The following ARHGEF37 variants were observed in gnomAD, a reference collection of about 807,000 sequenced individuals.
ARHGEF37 encodes Rho guanine nucleotide exchange factor 37, also known as Rho guanine nucleotide exchange factor (GEF) 37.
ARHGEF37 carries 55 observed loss-of-function variants against 71.1 expected under a neutral mutation model. The observed-to-expected ratio is 0.77, with a 90% CI of 0.62 to 0.97. ARHGEF37 has a LOEUF of 0.97. Ranked by LOEUF, ARHGEF37 falls within the 50% of genes least tolerant of loss-of-function variation. ARHGEF37 has a pLI of 0.00. For missense variants in ARHGEF37, 765 were observed against 836.8 expected (o/e 0.91, Z 1.06); for synonymous variants, 327 against 350.6 (o/e 0.93, Z 0.75).
rs1165057493 is a variant in ARHGEF37 at position 149,618,263 on chromosome 5, G to A, written c.746G>A (p.Arg249Gln). The A allele has an allele frequency of 1.3e-5, 21 of 1,614,196 alleles. No homozygotes were observed. The highest frequency in any genetic ancestry group is 1.7e-5 in the Non-Finnish European group (20 of 1,180,032). Residue 249 changes from arginine (R) to glutamine (Q), a missense_variant, in exon 6 of 13, where the codon CGG (arginine) becomes CAG (glutamine). Transcript: ENST00000333677. ...CACACCCTCTCCAAGAAGACCACCC[G>A]GCTGAGCCAGCTGCTGAAGCAGGAG... ...NTHTLSKKTT[R>Q]LSQLLKQEAG...
intron 10 of ARHGEF37, among the ~76,000 whole-genome samples, chr5:149,626,024 A>C (rs1471878285): frequency 6.6e-6 from 1 of 152,176 alleles, no homozygotes; most frequent in Admixed American, 6.5e-5. Context: ...AATGACCACA[A>C]CACCACTGTT....
intron 2 of ARHGEF37, among the ~76,000 whole-genome samples, chr5:149,599,731 CA>C (rs1763697413): frequency 1.3e-5 from 2 of 152,072 alleles, no homozygotes; most frequent in Non-Finnish European, 2.9e-5. Context: ...TGCTACGTTT[CA>C]AGCATCCCCT....
Position 149,634,538 on chromosome 5 carries a change from T to A in ARHGEF37, c.*2347T>A, listed in dbSNP as rs1752976251. 1 of 152,638 alleles carries A rather than the reference T, an allele frequency of 6.6e-6. No individual in the cohort carries two copies. The highest frequency in any genetic ancestry group is 1.5e-5 in the Non-Finnish European group (1 of 68,040). The allele number at this position is 152,638 out of a possible 1,614,324, so 9.5% of individuals were successfully genotyped here. On this transcript the variant is annotated 3_prime_UTR_variant, in exon 13 of 13. Coordinates refer to ENST00000333677, the MANE Select transcript of ARHGEF37 (RefSeq NM_001001669.3). ...TCAGTAGCACGTGGGTTATGGTTTC[T>A]CATAGACCAGGGGATAAGATTAAAA...
intron 12 of ARHGEF37, among the ~76,000 whole-genome samples, chr5:149,631,240 C>T (rs4489048): frequency 0.15 from 21,677 of 148,292 alleles, 1,754 homozygotes; most frequent in Middle Eastern, 0.32. Flanking sequence ...GCCATGATCT[C>T]GGCTTACTGC....
At chr5:149,581,269 G>A, upstream of ARHGEF37, among the ~76,000 whole-genome samples, 1 of 152,212 alleles carries the variant, frequency 6.6e-6, no homozygotes, top group East Asian at 1.9e-4. Flanking sequence ...ATGAGAGGCC[G>A]CGGGAGGGTG....
chr5:149,600,516 A>G (rs1763719895), intron 2 of ARHGEF37, among the ~76,000 whole-genome samples: 1 of 152,176 alleles, frequency 6.6e-6, no homozygotes, highest in Non-Finnish European at 1.5e-5. Flanking sequence ...CTCACCCTTC[A>G]ATGACAGATG....
At chr5:149,565,823 A>T in intron 1 of ARHGEF37, among the ~76,000 whole-genome samples, 1 of 114,214 alleles carries the variant, frequency 8.8e-6, no homozygotes, top group Non-Finnish European at 2.0e-5. Flanking sequence ...AATGTCAGAA[A>T]CTCTAATTTT....
intron 1 of ARHGEF37, among the ~76,000 whole-genome samples, chr5:149,562,689 G>A (rs929774067): frequency 6.6e-6 from 1 of 152,048 alleles, no homozygotes; most frequent in Non-Finnish European, 1.5e-5. Context: ...CTCGTGATCC[G>A]CCCGCCTCGG....
At chr5:149,557,629 C>CCAA (rs1357497103) in intron 1 of ARHGEF37, among the ~76,000 whole-genome samples, 1 of 152,160 alleles carries the variant, frequency 6.6e-6, no homozygotes, top group African/African-American at 2.4e-5. Context: ...CAGGCATGTG[C>CCAA]CACTGCACCT....
intron 10 of ARHGEF37, among the ~76,000 whole-genome samples, chr5:149,625,799 A>T (rs1172214790): frequency 2.0e-5 from 3 of 149,070 alleles, no homozygotes; most frequent in Non-Finnish European, 4.5e-5. Flanking sequence ...CACATTCCTG[A>T]TGTATTTGGC....
intron 1 of ARHGEF37, among the ~76,000 whole-genome samples, chr5:149,589,666 A>C (rs919772115): frequency 6.6e-6 from 1 of 151,662 alleles, no homozygotes; most frequent in Non-Finnish European, 1.5e-5. Context: ...CGCCTGACTA[A>C]TTTTTGTATT....
intron 1 of ARHGEF37, among the ~76,000 whole-genome samples, chr5:149,584,313 A>G (rs1481835893): frequency 1.3e-5 from 2 of 152,224 alleles, no homozygotes; most frequent in Non-Finnish European, 2.9e-5. Flanking sequence ...GTTAAGACAC[A>G]TACCACCTGT....
At chr5:149,580,626 C>T (rs556337422), upstream of ARHGEF37, among the ~76,000 whole-genome samples, 36 of 152,184 alleles carry the variant, frequency 2.4e-4, no homozygotes, top group Non-Finnish European at 4.9e-4. Context: ...ATACCTATCT[C>T]TTAGAGAAAT....
At chr5:149,598,810 G>A (rs201308144) in intron 2 of ARHGEF37, among the ~76,000 whole-genome samples, 46 of 140,544 alleles carry the variant, frequency 3.3e-4, no homozygotes, top group African/African-American at 9.5e-4. Context: ...ATATATATAT[G>A]TGTGTGTGTG....
upstream of ARHGEF37, among the ~76,000 whole-genome samples, chr5:149,579,351 C>T (rs1270267860): frequency 2.0e-5 from 3 of 152,314 alleles, no homozygotes; most frequent in East Asian, 3.9e-4. Context: ...CAGCTCTTCA[C>T]TTCCCGGCTG....
In ARHGEF37 at chr5:149,627,131, C is replaced by G. The variant is rs370902953; in HGVS notation, c.1520C>G (p.Pro507Arg). The G allele has an allele frequency of 2.5e-6, 4 of 1,614,184 alleles. No homozygotes were observed. The highest frequency in any genetic ancestry group is 3.4e-6 in the Non-Finnish European group (4 of 1,180,044). Residue 507 changes from proline (P) to arginine (R), a missense_variant, in exon 11 of 13, where the codon CCT (proline) becomes CGT (arginine). Pro to Arg is a moderately radical substitution (Grantham distance 103). Transcript: ENST00000333677. ...QVQALLSRYG[P>R]GKLYQVTSNI... ...CAGGCTCTCCTGAGCAGGTATGGCC[C>G]TGGGAAGCTGTACCAGGTGACAAGC...
upstream of ARHGEF37, among the ~76,000 whole-genome samples, chr5:149,578,798 T>C (rs1484099648): frequency 3.9e-5 from 6 of 151,958 alleles, no homozygotes; most frequent in Non-Finnish European, 8.8e-5. Flanking sequence ...TTGTTAGAGG[T>C]TTCCAGTCAA....
chr5:149,626,079 G>A (rs1752676118), intron 10 of ARHGEF37, among the ~76,000 whole-genome samples: 1 of 152,170 alleles, frequency 6.6e-6, no homozygotes, highest in Admixed American at 6.5e-5. Flanking sequence ...TTAAGGACCT[G>A]TTTAGAAACA....
intron 5 of ARHGEF37, 74 bp downstream of exon 5, chr5:149,616,840 C>T: frequency 2.1e-6 from 3 of 1,418,964 alleles, no homozygotes; most frequent in Non-Finnish European, 2.9e-6. Context: ...CTAAAATCTG[C>T]TTCACCAGTA....
Sources: allele counts gnomAD v4.1 joint callset (sites outside exome capture counted in the v4.1 genomes callset), GRCh38; gene constraint gnomAD v4.1.1; transcripts MANE v1.5; gene names NCBI Gene and HGNC (gene_info 2026-07-23, HGNC 2026-07-21).